Variants in RAB38 observed in about 807,000 individuals in gnomAD.
The protein encoded by RAB38 is ras-related protein Rab-38.
Under a neutral mutation model 18.4 loss-of-function variants are expected in RAB38, and 15 were observed. The ratio of observed to expected loss-of-function variants is 0.82; its 90% CI spans 0.55 to 1.26. RAB38 has a LOEUF of 1.26. Ranked by LOEUF, RAB38 falls within the 50% of genes most tolerant of loss-of-function variation. The pLI is 0.00. For missense variants in RAB38, 294 were observed against 267.4 expected (o/e 1.10, Z -0.69); for synonymous variants, 101 against 104.4 (o/e 0.97, Z 0.20).
intron 2 of RAB38, among the ~76,000 whole-genome samples, chr11:88,148,566 C>T (rs972492063): frequency 3.3e-5 from 5 of 152,146 alleles, no homozygotes; most frequent in Non-Finnish European, 7.3e-5. Context: ...AGCAGAAAAC[C>T]CATTAGAGGT....
At chr11:88,088,662 A>G in the RAB38 span, among the ~76,000 whole-genome samples, 2 of 151,944 alleles carry the variant, frequency 1.3e-5, no homozygotes, top group East Asian at 3.9e-4. Flanking sequence ...TCACGACCAG[A>G]GTTAGTTTTT....
the RAB38 span, among the ~76,000 whole-genome samples, chr11:87,842,812 G>A: frequency 3.0e-5 from 2 of 66,208 alleles, no homozygotes; most frequent in African/African-American, 1.5e-4. Flanking sequence ...ACACACACGC[G>A]CGCGCACACA....
At chr11:87,861,753 G>A in the RAB38 span, among the ~76,000 whole-genome samples, 1 of 151,710 alleles carries the variant, frequency 6.6e-6, no homozygotes, top group Non-Finnish European at 1.5e-5. Context: ...AATTTCAATG[G>A]GAAATCATTA....
the RAB38 span, among the ~76,000 whole-genome samples, chr11:88,019,014 A>G: frequency 6.6e-6 from 1 of 151,804 alleles, no homozygotes; most frequent in Non-Finnish European, 1.5e-5. Context: ...TACCTCACTG[A>G]CCACTTCTTT....
At chr11:87,977,917 A>C in the RAB38 span, among the ~76,000 whole-genome samples, 2 of 113,238 alleles carry the variant, frequency 1.8e-5, no homozygotes, top group African/African-American at 7.1e-5. Context: ...ATATACATAA[A>C]TATGTAGTGA....
chr11:87,977,428 A>C, the RAB38 span, among the ~76,000 whole-genome samples: 13 of 103,836 alleles, frequency 1.3e-4, 2 homozygotes, highest in South Asian at 5.5e-4. Flanking sequence ...ATTATATTAT[A>C]AAACAATTAT....
At chr11:87,962,436 A>G in the RAB38 span, among the ~76,000 whole-genome samples, 1 of 152,122 alleles carries the variant, frequency 6.6e-6, no homozygotes, top group Admixed American at 6.6e-5. Flanking sequence ...GGAATCTAAA[A>G]AAACTGAAGT....
chr11:88,072,266 A>C, the RAB38 span, among the ~76,000 whole-genome samples: 1 of 152,250 alleles, frequency 6.6e-6, no homozygotes, highest in African/African-American at 2.4e-5. Flanking sequence ...CAAGAGAAAC[A>C]GATCCTCACT....
At chr11:88,071,849 A>G in the RAB38 span, among the ~76,000 whole-genome samples, 1 of 152,182 alleles carries the variant, frequency 6.6e-6, no homozygotes, top group African/African-American at 2.4e-5. Flanking sequence ...CTAAACACAC[A>G]CTGGAGGATT....
At chr11:87,936,000 C>G in the RAB38 span, among the ~76,000 whole-genome samples, 7 of 151,900 alleles carry the variant, frequency 4.6e-5, no homozygotes, top group Non-Finnish European at 7.4e-5. Flanking sequence ...GAATTGTTTG[C>G]TATTTGTTTT....
At chr11:88,025,229 G>A in the RAB38 span, among the ~76,000 whole-genome samples, 1 of 150,502 alleles carries the variant, frequency 6.6e-6, no homozygotes, top group Non-Finnish European at 1.5e-5. Flanking sequence ...TATAACTTAT[G>A]TATATAACTA....
the RAB38 span, among the ~76,000 whole-genome samples, chr11:87,893,480 G>T: frequency 5.0e-4 from 75 of 148,710 alleles, no homozygotes; most frequent in African/African-American, 1.7e-3. Context: ...GAAGGAAGAT[G>T]CTTTGTTTTC....
the RAB38 span, among the ~76,000 whole-genome samples, chr11:87,878,619 A>G: frequency 6.6e-6 from 1 of 151,660 alleles, no homozygotes; most frequent in Non-Finnish European, 1.5e-5. Context: ...AGCAATTTCC[A>G]TTGCTGACAG....
the RAB38 span, among the ~76,000 whole-genome samples, chr11:87,878,292 A>G: frequency 2.1e-5 from 3 of 141,620 alleles, 1 homozygote; most frequent in Admixed American, 1.5e-4. Flanking sequence ...CTATCTATCT[A>G]TCTATCTACC....
At position 88,127,183 on chromosome 11, in the gene RAB38, A is replaced by T. The variant is rs532028991; in HGVS notation, c.484-13043T>A. The stretch of plus-strand genomic sequence containing the variant: ...ATCGTGGAGTGTGCCTTGTGTTCAA[A>T]TTCTTTACATTAAACAGAAAAGCAG... On this transcript the variant is annotated intron_variant, in intron 2 of 2. Coordinates refer to ENST00000243662, the MANE Select transcript of RAB38 (RefSeq NM_022337.3). 4.8e-4 allele frequency among the ~76,000 whole-genome samples: 73 copies of T among 152,330 alleles called. 2 individuals carry two copies. In the South Asian group the frequency reaches 0.015, roughly 31 times the overall value.
At chr11:88,132,657 C>T (rs1490458702) in intron 2 of RAB38, among the ~76,000 whole-genome samples, 1 of 151,904 alleles carries the variant, frequency 6.6e-6, no homozygotes, top group East Asian at 1.9e-4. Context: ...TGGGGTTTCT[C>T]CATATTGGTC....
At chr11:87,895,133 A>T in the RAB38 span, among the ~76,000 whole-genome samples, 1 of 151,596 alleles carries the variant, frequency 6.6e-6, no homozygotes, top group Non-Finnish European at 1.5e-5. Context: ...CAGGTGTGAA[A>T]TGAGGGTGAA....
the RAB38 span, among the ~76,000 whole-genome samples, chr11:87,823,841 A>G: frequency 1.3e-5 from 2 of 152,166 alleles, no homozygotes. Flanking sequence ...GATTTTTAAG[A>G]AGAATATACA....
At chr11:88,130,335 G>T (rs931632418) in intron 2 of RAB38, among the ~76,000 whole-genome samples, 1 of 152,112 alleles carries the variant, frequency 6.6e-6, no homozygotes, top group African/African-American at 2.4e-5. Context: ...GAACAGATTC[G>T]AGCGGTGTCT....
Sources: allele counts gnomAD v4.1 joint callset (sites outside exome capture counted in the v4.1 genomes callset), GRCh38; gene constraint gnomAD v4.1.1; transcripts MANE v1.5; gene names NCBI Gene and HGNC (gene_info 2026-07-23, HGNC 2026-07-21).